The following METAP1D variants were observed in gnomAD, a reference collection of about 807,000 sequenced individuals.
METAP1D encodes methionine aminopeptidase 1D, mitochondrial.
In METAP1D, 31 loss-of-function variants were observed where a neutral mutation model predicts 40.5. The ratio of observed to expected loss-of-function variants is 0.77; its 90% confidence interval spans 0.58 to 1.03. The LOEUF (loss-of-function observed/expected upper bound fraction) is 1.03, where lower values mean the gene tolerates loss of function less well. Among genes scored for constraint, METAP1D ranks in the 50% least tolerant of loss-of-function variants. The probability of loss-of-function intolerance (pLI) is 0.00; values close to 1 mark genes in which losing one functional copy is unlikely to be tolerated. For missense variants in METAP1D, 411 were observed against 420.7 expected (o/e 0.98, Z 0.20); for synonymous variants, 151 against 146.4 (o/e 1.03, Z -0.22).
In METAP1D at chr2:172,045,815, GTGTGTATATATATATA is replaced by G. The variant is rs1373517820; in HGVS notation, c.41-15681_41-15666del. 1.9e-3 allele frequency among the ~76,000 whole-genome samples: 47 copies of G among 24,270 alleles called. 1 individual carries two copies. Among genetic ancestry groups the G allele is most frequent in the African/African-American group, 4.8e-3 (33 of 6,876 alleles). The allele number at this position is 24,270 out of a possible 152,430, so 15.9% of individuals were successfully genotyped here. A position where few individuals can be genotyped will look rare whatever the true frequency, so the allele number is the denominator to read the frequency against. Reference sequence around the variant, plus strand: ...TGTATATATGTGTGTGTGTGTGTGTGTGTGTATATATATATATATATATATATATATATATATATAT... The same window carrying G: ...TGTATATATGTGTGTGTGTGTGTGTGTATATATATATATATATATATATAT... On this transcript the variant is annotated intron_variant, in intron 1 of 9. Coordinates refer to ENST00000315796, the MANE Select transcript of METAP1D (RefSeq NM_199227.3).
At position 172,012,945 on chromosome 2, in the gene METAP1D, A is replaced by G. The variant is rs146777160; in HGVS notation, c.40+12936A>G. ...AAGAACATTAAGTCTCATGTTCGGTATGTGTCAAATGTTCAGTTCCCTTGT... is the reference window on the plus strand; with the variant it reads ...AAGAACATTAAGTCTCATGTTCGGTGTGTGTCAAATGTTCAGTTCCCTTGT... On this transcript the variant is annotated intron_variant, in intron 1 of 9. Transcript: ENST00000315796. Among the ~76,000 whole-genome samples, 876 of 152,242 alleles carry G rather than the reference A, an allele frequency of 5.8e-3. 11 individuals carry two copies. The highest frequency in any genetic ancestry group is 0.02 in the African/African-American group (834 of 41,530).
At chr2:172,001,232 ATGAG>A (rs1412482423) in intron 1 of METAP1D, among the ~76,000 whole-genome samples, 2 of 152,056 alleles carry the variant, frequency 1.3e-5, no homozygotes, top group Non-Finnish European at 2.9e-5. Context: ...ACAGTGCAGG[ATGAG>A]TGTGTACAAA....
At chr2:172,056,013 G>A (rs1689994769) in intron 1 of METAP1D, among the ~76,000 whole-genome samples, 1 of 152,150 alleles carries the variant, frequency 6.6e-6, no homozygotes, top group South Asian at 2.1e-4. Context: ...ATGACTTCAT[G>A]CTTCAAGTTT....
intron 1 of METAP1D, among the ~76,000 whole-genome samples, chr2:172,046,168 A>C (rs1218998230): frequency 6.6e-6 from 1 of 151,692 alleles, no homozygotes; most frequent in African/African-American, 2.4e-5. Flanking sequence ...CATATGTTCA[A>C]AGTCTGTAAC....
chr2:172,029,708 A>G (rs1689197010), intron 1 of METAP1D, among the ~76,000 whole-genome samples: 1 of 152,156 alleles, frequency 6.6e-6, no homozygotes, highest in Admixed American at 6.6e-5. Flanking sequence ...CATGATCCCT[A>G]ATGTAGGCTC....
chr2:172,064,597 G>T (rs570247637), intron 3 of METAP1D, among the ~76,000 whole-genome samples: 8 of 148,490 alleles, frequency 5.4e-5, no homozygotes, highest in Non-Finnish European at 1.2e-4. Context: ...TCCAGTCTGG[G>T]CAACAGAGTG....
chr2:172,027,138 C>G (rs1426299482), intron 1 of METAP1D, among the ~76,000 whole-genome samples: 1 of 152,178 alleles, frequency 6.6e-6, no homozygotes, highest in African/African-American at 2.4e-5. Flanking sequence ...ATGCCAGACA[C>G]TAGGGTAGAT....
intron 1 of METAP1D, among the ~76,000 whole-genome samples, chr2:172,022,484 A>G (rs1330446644): frequency 6.6e-6 from 1 of 152,202 alleles, no homozygotes; most frequent in Non-Finnish European, 1.5e-5. Flanking sequence ...AAAGAATGAC[A>G]GCAGTTATTA....
intron 1 of METAP1D, among the ~76,000 whole-genome samples, chr2:172,016,986 C>A (rs1236435584): frequency 1.3e-5 from 2 of 152,098 alleles, no homozygotes; most frequent in Non-Finnish European, 2.9e-5. Context: ...CCTGACCTCT[C>A]TACCCAAAGG....
At chr2:172,007,133 T>C (rs1688604845) in intron 1 of METAP1D, among the ~76,000 whole-genome samples, 1 of 151,056 alleles carries the variant, frequency 6.6e-6, no homozygotes, top group African/African-American at 2.4e-5. Flanking sequence ...TTATTGTACA[T>C]TACGTTTTCC....
chr2:172,001,203 T>A (rs1200603266), intron 1 of METAP1D, among the ~76,000 whole-genome samples: 1 of 152,000 alleles, frequency 6.6e-6, no homozygotes. Context: ...TAGAAGTCAG[T>A]GTGTAAAGTT....
intron 1 of METAP1D, among the ~76,000 whole-genome samples, chr2:172,011,948 TACC>T (rs1437482163): frequency 6.6e-6 from 1 of 152,226 alleles, no homozygotes; most frequent in East Asian, 1.9e-4. Context: ...GTGGTAAAAT[TACC>T]ACATCCACAA....
At chr2:172,023,447 A>C (rs1232707694) in intron 1 of METAP1D, among the ~76,000 whole-genome samples, 1 of 152,226 alleles carries the variant, frequency 6.6e-6, no homozygotes, top group Non-Finnish European at 1.5e-5. Flanking sequence ...TGGAAGCATC[A>C]GGCCACATAT....
At chr2:172,063,136 A>G (rs1690174010) in intron 2 of METAP1D, among the ~76,000 whole-genome samples, 2 of 152,120 alleles carry the variant, frequency 1.3e-5, no homozygotes, top group Non-Finnish European at 2.9e-5. Flanking sequence ...GGTAATTTTT[A>G]TGTATTTGAA....
chr2:172,002,553 A>C (rs1189706021), intron 1 of METAP1D, among the ~76,000 whole-genome samples: 1 of 152,156 alleles, frequency 6.6e-6, no homozygotes, highest in Non-Finnish European at 1.5e-5. Context: ...AAAGTGTTGC[A>C]ACAACCAAGA....
intron 1 of METAP1D, among the ~76,000 whole-genome samples, chr2:172,012,253 C>T (rs1221042614): frequency 2.0e-5 from 3 of 152,148 alleles, no homozygotes; most frequent in African/African-American, 7.2e-5. Context: ...CAAAGGACAA[C>T]TCCTCTCTGT....
chr2:172,065,510 G>C, intron 3 of METAP1D, 94 bp from the exon 4 acceptor site: 1 of 1,216,220 alleles, frequency 8.2e-7, no homozygotes, highest in Non-Finnish European at 1.2e-6. Flanking sequence ...AATTTATACA[G>C]TCTCACATGG....
At chr2:172,000,852 TTAGTCGGGCGTGGTGACACATGCCTG>T (rs1203815261) in intron 1 of METAP1D, among the ~76,000 whole-genome samples, 2 of 152,044 alleles carry the variant, frequency 1.3e-5, no homozygotes, top group Non-Finnish European at 2.9e-5. Flanking sequence ...ATTTTAAAAA[TTAGTCGGGCGTGGTGACACATGCCTG>T]TAGTCTCAGC....
At chr2:172,077,717 T>C (rs1308106821) in intron 6 of METAP1D, 80 bp from the exon 7 acceptor site, 12 of 643,174 alleles carry the variant, frequency 1.9e-5, no homozygotes, top group Non-Finnish European at 3.2e-5. Flanking sequence ...CAGAGAATAT[T>C]TTAAAGTGAC....
Sources: allele counts gnomAD v4.1 joint callset (sites outside exome capture counted in the v4.1 genomes callset), GRCh38; gene constraint gnomAD v4.1.1; transcripts MANE v1.5; gene names NCBI Gene and HGNC (gene_info 2026-07-23, HGNC 2026-07-21).